The following HEATR5B variants were observed in gnomAD, a reference collection of about 807,000 sequenced individuals.
HEATR5B encodes the protein HEAT repeat-containing protein 5B.
Under a neutral mutation model 224.1 loss-of-function variants are expected in HEATR5B, and 156 were observed. The ratio of observed to expected loss-of-function variants is 0.70; its 90% confidence interval spans 0.61 to 0.80. The LOEUF (loss-of-function observed/expected upper bound fraction) is 0.80, where lower values mean the gene tolerates loss of function less well. Ranked by LOEUF, HEATR5B falls within the 30% of genes least tolerant of loss-of-function variation. The pLI, the probability that HEATR5B is intolerant of heterozygous loss-of-function variation, is 0.00. For synonymous variants in HEATR5B, 1,027 were observed against 893.0 expected, an observed-to-expected ratio of 1.15 and a Z score of -2.68; for missense variants, 2,323 against 2,535.5, an observed-to-expected ratio of 0.92 and a Z score of 1.80.
intron 21 of HEATR5B, among the ~76,000 whole-genome samples, chr2:37,035,680 T>C (rs536134405): frequency 6.6e-6 from 1 of 152,184 alleles, no homozygotes; most frequent in Non-Finnish European, 1.5e-5. Context: ...TCTGGCTGAC[T>C]CCTTTCCTCT....
In HEATR5B at chr2:37,005,734, G is replaced by C; in HGVS notation, c.4803C>G (p.Ser1601=). ...ILGVSIQFLC[S]PRPEEPIEHV... Reference sequence around the variant, plus strand: ...GTTCAATGGGCTCCTCAGGTCTAGGGGAACAAAGAAACTGTATACTCACAC... The same window carrying C: ...GTTCAATGGGCTCCTCAGGTCTAGGCGAACAAAGAAACTGTATACTCACAC... Residue 1601 remains serine (S), a synonymous_variant, in exon 30 of 36, where the codon TCC becomes TCG. Coordinates refer to ENST00000233099, the MANE Select transcript of HEATR5B (RefSeq NM_019024.3). 1 of 1,597,634 alleles carries C rather than the reference G, an allele frequency of 6.3e-7. No individual in the cohort carries two copies. Among genetic ancestry groups the C allele is most frequent in the Non-Finnish European group, 8.5e-7 (1 of 1,175,136 alleles).
intron 18 of HEATR5B, among the ~76,000 whole-genome samples, chr2:37,044,981 G>A (rs1670099581): frequency 6.6e-6 from 1 of 152,146 alleles, no homozygotes. Flanking sequence ...TGACTGACCT[G>A]TTCTTCCTAC....
chr2:37,058,646 C>A, intron 13 of HEATR5B, 86 bp from the exon 14 acceptor site: 1 of 867,884 alleles, frequency 1.2e-6, no homozygotes. Flanking sequence ...AATGTACTGC[C>A]AAACTACACT....
Position 36,999,167 on chromosome 2 carries a change from C to A in HEATR5B, c.5545+1419G>T, listed in dbSNP as rs547699943. Among the ~76,000 whole-genome samples, 3 of 151,874 alleles carry A rather than the reference C, an allele frequency of 2.0e-5. No homozygotes were observed. The South Asian group carries it at 6.3e-4, about 32-fold the overall frequency. Reference sequence around the variant, plus strand: ...CTGGGAGGCGGAGGCTGTGGTGAGCCAAGATTGCGCCACTGCACTCCAGCC... The same window carrying A: ...CTGGGAGGCGGAGGCTGTGGTGAGCAAAGATTGCGCCACTGCACTCCAGCC... On this transcript the variant is annotated intron_variant, in intron 33 of 35. Transcript: ENST00000233099.
intron 18 of HEATR5B, among the ~76,000 whole-genome samples, chr2:37,044,557 C>T (rs1386877257): frequency 1.3e-5 from 2 of 152,076 alleles, no homozygotes; most frequent in Non-Finnish European, 2.9e-5. Flanking sequence ...ATAAATAAAG[C>T]TACTATAAAA....
chr2:37,007,073 T>G lies in HEATR5B; in HGVS notation c.4754A>C (p.Lys1585Thr). ...GSAKSLPEIN[K>T]DRMHLILGVS... Reference sequence around the variant, plus strand: ...ACCTAAAATCAGATGCATTCTGTCTTTGTTAATTTCTGGCAAAGATTTAGC... The same window carrying G: ...ACCTAAAATCAGATGCATTCTGTCTGTGTTAATTTCTGGCAAAGATTTAGC... Residue 1585 changes from lysine to threonine, a missense_variant, in exon 29 of 36, where the codon AAA becomes ACA. Around this residue, in one of 12 missense-constraint regions of HEATR5B, gnomAD observed 844 missense variants for 812.9 expected, o/e 1.04. Transcript: ENST00000233099. 6.2e-7 allele frequency: 1 copy of G among 1,614,118 alleles called. No homozygotes were observed. Among genetic ancestry groups the G allele is most frequent in the South Asian group, 1.1e-5 (1 of 91,084 alleles).
rs1313235560 is a variant in HEATR5B, at chr2:37,041,278, C to T, written c.2711G>A (p.Arg904Gln). The T allele has an allele frequency of 9.3e-6, 15 of 1,613,648 alleles. No homozygotes were observed. Among genetic ancestry groups the T allele is most frequent in the Non-Finnish European group, 7.6e-6 (9 of 1,179,814 alleles). Residue 904 changes from arginine (R) to glutamine (Q), a missense_variant, in exon 19 of 36, where the codon CGA becomes CAA. Around this residue, in one of 12 missense-constraint regions of HEATR5B, gnomAD observed 170 missense variants for 216.7 expected, o/e 0.78. Transcript: ENST00000233099. ...QYSFDKLKSA[R>Q]DVVSRTGHSL... The stretch of plus-strand genomic sequence containing the variant: ...ATGACCAGTCCTAGATACAACATCT[C>T]GAGCCGATTTCAACCTGAAAAAAAG...
intron 10 of HEATR5B, among the ~76,000 whole-genome samples, chr2:37,062,330 T>C (rs1671332859): frequency 6.6e-6 from 1 of 152,124 alleles, no homozygotes; most frequent in Non-Finnish European, 1.5e-5. Context: ...TTTGGGAGGC[T>C]GAGGCAGGAG....
intron 16 of HEATR5B, among the ~76,000 whole-genome samples, chr2:37,054,192 GTTTTTTTTTT>G (rs70946964): frequency 1.3e-4 from 4 of 30,218 alleles, no homozygotes; most frequent in Non-Finnish European, 2.7e-4. Flanking sequence ...TGATTTCTCT[GTTTTTTTTTT>G]TTTTTTTTTG....
chr2:36,987,753 T>C (rs942836917), intron 35 of HEATR5B, among the ~76,000 whole-genome samples: 10 of 152,240 alleles, frequency 6.6e-5, no homozygotes, highest in Admixed American at 3.3e-4. Context: ...ACCTCTATTA[T>C]GAAGATTAGA....
At chr2:37,049,362 T>G (rs1249063360) in intron 18 of HEATR5B, among the ~76,000 whole-genome samples, 1 of 152,218 alleles carries the variant, frequency 6.6e-6, no homozygotes, top group Admixed American at 6.5e-5. Flanking sequence ...ACCTCTTCAG[T>G]GAATACACAT....
At chr2:37,039,057 G>C (rs978686768) in intron 20 of HEATR5B, among the ~76,000 whole-genome samples, 1 of 151,720 alleles carries the variant, frequency 6.6e-6, no homozygotes, top group Non-Finnish European at 1.5e-5. Context: ...GTGGAGGCTC[G>C]TGCCTGTAAT....
intron 35 of HEATR5B, among the ~76,000 whole-genome samples, chr2:36,983,645 T>C (rs577835746): frequency 2.0e-5 from 3 of 152,038 alleles, no homozygotes; most frequent in Non-Finnish European, 4.4e-5. Context: ...GGAGAATCGC[T>C]TGAACCTGGG....
rs1004952691 is a variant in HEATR5B, at chr2:37,072,427, A to G, written c.598-146T>C. On this transcript the variant is annotated intron_variant, in intron 5 of 35. Coordinates refer to ENST00000233099, the MANE Select transcript of HEATR5B (RefSeq NM_019024.3). ...AACAACAGTTTTCAAGACACTGGAC[A>G]TCAGGCAATGAAGCATCTTTGAGGA... 1.1e-5 allele frequency: 6 copies of G among 569,228 alleles called. No individual in the cohort carries two copies. The East Asian group carries it at 1.1e-4, about 11-fold the overall frequency. The allele number at this position is 569,228 out of a possible 1,614,324, so 35.3% of individuals were successfully genotyped here.
Position 37,020,740 on chromosome 2 carries a change from G to A in HEATR5B, c.3950C>T (p.Ala1317Val), listed in dbSNP as rs1439511846. ...AAACTTCTTGATAATGTCTTCAAGC[G>A]CCTGGAGCCCAGCCATTCGCAGCTG... The part of the protein sequence containing the change: ...SNQLRMAGLQ[A>V]LEDIIKKFAS... The change falls in exon 25 of 36, where the codon GCG (alanine) becomes GTG (valine). Residue 1317 changes from alanine to valine, a missense_variant. Physicochemically the swap from Ala to Val is moderately conservative, Grantham distance 64. Coordinates refer to ENST00000233099, the MANE Select transcript of HEATR5B (RefSeq NM_019024.3). The A allele has an allele frequency of 1.2e-6, 2 of 1,609,956 alleles. No homozygotes were observed. The highest frequency in any genetic ancestry group is 1.7e-6 in the Non-Finnish European group (2 of 1,179,116).
At chr2:37,062,985 T>C (rs1671375542) in intron 10 of HEATR5B, among the ~76,000 whole-genome samples, 1 of 152,174 alleles carries the variant, frequency 6.6e-6, no homozygotes, top group Admixed American at 6.5e-5. Flanking sequence ...ATTTTTTGTA[T>C]GACAGGGTCT....
intron 27 of HEATR5B, among the ~76,000 whole-genome samples, chr2:37,010,549 T>C (rs1667721610): frequency 1.3e-5 from 2 of 151,744 alleles, no homozygotes; most frequent in South Asian, 4.2e-4. Context: ...AGTCTCGATC[T>C]GTAACCCAGG....
chr2:37,068,736 C>G lies in HEATR5B; in HGVS notation c.1122G>C (p.Gln374His). ...TVGSLLGEKA[Q>H]IAAAKEICQA... ...GGCAGATTTCTTTGGCAGCTGCAAT[C>G]TGGGCTTTTTCACCTAGCAAACTGC... The change falls in exon 8 of 36, where the codon CAG becomes CAC. Residue 374 changes from glutamine (Q) to histidine (H), a missense_variant. Around this residue, in one of 12 missense-constraint regions of HEATR5B, gnomAD observed 502 missense variants for 517.8 expected, o/e 0.97. Transcript: ENST00000233099. 2 of 1,614,160 alleles carry G rather than the reference C, an allele frequency of 1.2e-6. No individual in the cohort carries two copies. The highest frequency in any genetic ancestry group is 1.7e-6 in the Non-Finnish European group (2 of 1,180,026).
Position 36,987,336 on chromosome 2 carries a change from G to T in HEATR5B, c.5911+1310C>A, listed in dbSNP as rs146393883. 9.4e-4 allele frequency among the ~76,000 whole-genome samples: 143 copies of T among 151,896 alleles called. 2 individuals are homozygous for T. The East Asian group carries it at 0.023, about 25-fold the overall frequency. The stretch of plus-strand genomic sequence containing the variant: ...CCCAGCTACTCAGGAGGCTGAGGCA[G>T]GAGAATCACTTGAACTTCAGAGGCG... On this transcript the variant is annotated intron_variant, in intron 35 of 35. Transcript: ENST00000233099.
Sources: gnomAD v4.1 joint callset for allele counts (sites outside exome capture counted in the v4.1 genomes callset) on GRCh38, gnomAD v4.1.1 for gene constraint, gnomAD v4.1.1 regional missense constraint, MANE v1.5 for transcripts, NCBI Gene and HGNC (gene_info 2026-07-23, HGNC 2026-07-21) for gene names.